The following DNASE1L1 variants were observed in gnomAD, a reference collection of about 807,000 sequenced individuals.
The protein encoded by DNASE1L1 is deoxyribonuclease 1 like 1, also known as deoxyribonuclease-1-like 1.
In DNASE1L1, 8 loss-of-function variants were observed where a neutral mutation model predicts 18.6. The observed-to-expected ratio is 0.43, with a 90% CI of 0.25 to 0.78. The LOEUF is 0.78. Ranked by LOEUF, DNASE1L1 falls within the 30% of genes least tolerant of loss-of-function variation. The pLI, the probability that DNASE1L1 is intolerant of heterozygous loss-of-function variation, is 0.23. For synonymous variants in DNASE1L1, 114 were observed against 114.2 expected, an observed-to-expected ratio of 1.00 and a Z score of 0.01; for missense variants, 214 against 258.2, an observed-to-expected ratio of 0.83 and a Z score of 1.17.
At chrX:154,408,547 C>T (rs1040484303) in intron 1 of DNASE1L1, 3 of 111,901 alleles carry the variant, frequency 2.7e-5, no homozygotes, top group African/African-American at 9.7e-5. Flanking sequence ...TTATCTTTGT[C>T]TCACACTCAC....
In DNASE1L1 at chrX:154,402,363, A is replaced by G; in HGVS notation, c.*344T>C. Reference sequence around the variant, plus strand: ...GCTGCACAAGTGTCCTATCTCACCAATCTGGGTTTTTGTTCTCAGTAACTT... The same window carrying G: ...GCTGCACAAGTGTCCTATCTCACCAGTCTGGGTTTTTGTTCTCAGTAACTT... On this transcript the variant is annotated 3_prime_UTR_variant, in exon 8 of 8. Coordinates refer to ENST00000369807, the MANE Select transcript of DNASE1L1 (RefSeq NM_001303620.2). 4.8e-6 allele frequency: 1 copy of G among 206,772 alleles called. No individual in the cohort carries two copies. The highest frequency in any genetic ancestry group is 8.8e-6 in the Non-Finnish European group (1 of 113,749). 17.0% of individuals were successfully genotyped at this position (206,772 alleles called of 1,213,427 possible).
At chrX:154,407,218 ATTTTTTTTTTTTTTTTTTTTTTTTTT>A (rs782115573) in intron 1 of DNASE1L1, among the ~76,000 whole-genome samples, 1 of 25,734 alleles carries the variant, frequency 3.9e-5, no homozygotes, top group Non-Finnish European at 7.7e-5. Flanking sequence ...AAGTGCTGGG[ATTTTTTTTTTTTTTTTTTTTTTTTTT>A]TTTTTTTTTT....
chrX:154,408,575 G>A (rs1420944443), intron 1 of DNASE1L1: 3 of 111,732 alleles, frequency 2.7e-5, no homozygotes, highest in Non-Finnish European at 3.8e-5. Context: ...TGCAGGGCTC[G>A]GCTCCTTGCT....
chrX:154,411,282 C>T (rs946034778), upstream of DNASE1L1, among the ~76,000 whole-genome samples: 3 of 111,519 alleles, frequency 2.7e-5, no homozygotes, highest in Non-Finnish European at 5.7e-5. Flanking sequence ...GCAGGAGAAT[C>T]GCTTGAGTCT....
At chrX:154,407,767 C>CTTTTTT in intron 1 of DNASE1L1, among the ~76,000 whole-genome samples, 1 of 71,545 alleles carries the variant, frequency 1.4e-5, no homozygotes, top group Non-Finnish European at 2.6e-5. Context: ...GGCCCCCCCC[C>CTTTTTT]TTTTTTTTTT....
upstream of DNASE1L1, chrX:154,411,763 G>C: frequency 1.1e-6 from 1 of 938,390 alleles, no homozygotes; most frequent in East Asian, 3.4e-5. Context: ...CCAGTGTCTC[G>C]AGCGGTCGAG....
rs1221583724 is a variant in DNASE1L1 at position 154,402,209 on chromosome X, C to T, written c.*498G>A. The T allele has an allele frequency of 8.9e-5, 11 of 124,271 alleles. No homozygotes were observed. The highest frequency in any genetic ancestry group is 1.6e-4 in the Admixed American group (2 of 12,306). The allele number at this position is 124,271 out of a possible 1,213,427, so 10.2% of individuals were successfully genotyped here. On this transcript the variant is annotated 3_prime_UTR_variant, in exon 8 of 8. Coordinates refer to ENST00000369807, the MANE Select transcript of DNASE1L1 (RefSeq NM_001303620.2). ...GATTATAATGAGCCAAAATGTTTCC[C>T]GGTGTTTGCTGGTTTCAGGGAAGGA... is the stretch of plus-strand genomic sequence containing the variant.
At chrX:154,411,661 G>A, upstream of DNASE1L1, 2 of 493,462 alleles carry the variant, frequency 4.1e-6, no homozygotes, top group East Asian at 4.0e-5. Flanking sequence ...GAGCGGGGCC[G>A]GGCGCTGCTC....
chrX:154,411,646 CGA>C (rs1569552619), upstream of DNASE1L1: 4 of 482,417 alleles, frequency 8.3e-6, no homozygotes, highest in South Asian at 1.0e-4. Flanking sequence ...TCCCCAGTGA[CGA>C]GAGAGCGGGG....
At position 154,405,489 on chromosome X, in the gene DNASE1L1, T is replaced by C; in HGVS notation, c.80A>G (p.Gln27Arg). The C allele has an allele frequency of 8.3e-7, 1 of 1,205,783 alleles. No homozygotes were observed. Among genetic ancestry groups the C allele is most frequent in the Non-Finnish European group, 1.1e-6 (1 of 890,977 alleles). Residue 27 changes from glutamine (Q) to arginine (R), a missense_variant, in exon 2 of 8, where the codon CAG becomes CGG. Transcript: ENST00000369807. ...QAFRICAFNA[Q>R]RLTLAKVARE... ...GGCCACCTTGGCCAGTGTCAGCCGC[T>C]GGGCATTGAAGGCGCAGATGCGAAA...
At chrX:154,407,587 C>CTTTTT (rs782217648) in intron 1 of DNASE1L1, among the ~76,000 whole-genome samples, 2 of 74,763 alleles carry the variant, frequency 2.7e-5, no homozygotes, top group Non-Finnish European at 4.9e-5. Context: ...CCTAGTCTAC[C>CTTTTT]TTTTTTTTTT....
chrX:154,407,672 T>C (rs2068184846), intron 1 of DNASE1L1, among the ~76,000 whole-genome samples: 1 of 89,186 alleles, frequency 1.1e-5, no homozygotes, highest in African/African-American at 4.2e-5. Context: ...CTTGGCTCAC[T>C]GCAACCTCTG....
At chrX:154,406,022 A>G (rs2068142902) in intron 1 of DNASE1L1, among the ~76,000 whole-genome samples, 1 of 102,015 alleles carries the variant, frequency 9.8e-6, no homozygotes, top group Non-Finnish European at 2.0e-5. Context: ...CCCAGGCTGG[A>G]GTGCAGTGGC....
At position 154,402,718 on chromosome X, in the gene DNASE1L1, G is replaced by A. The variant is rs369393190; in HGVS notation, c.898C>T (p.Pro300Ser). ...GGGTAGGGGGACGCTCAGGCAGCAG[G>A]GCACAGCTGAGGGGACAGGAGTGAT... ...LLSLLSPQLC[P>S]AA Residue 300 changes from proline to serine, a missense_variant, in exon 8 of 8, where the codon CCT becomes TCT. Coordinates refer to ENST00000369807, the MANE Select transcript of DNASE1L1 (RefSeq NM_001303620.2). The A allele has an allele frequency of 4.1e-6, 5 of 1,209,725 alleles. No homozygotes were observed. In the Middle Eastern group the frequency reaches 7.2e-4, roughly 174 times the overall value.
intron 1 of DNASE1L1, among the ~76,000 whole-genome samples, chrX:154,408,111 T>A (rs1213567786): frequency 9.1e-6 from 1 of 109,612 alleles, no homozygotes; most frequent in Admixed American, 9.8e-5. Flanking sequence ...TTTTGTACTT[T>A]TAGTAGAGAC....
rs782165177 is a variant in DNASE1L1 at position 154,401,791 on chromosome X, A to C, written c.*916T>G. Reference sequence around the variant, plus strand: ...TTAATTACCTTTATTTTATTTTGCCAAACATACCTGGGAATACCTTTTATT... The same window carrying C: ...TTAATTACCTTTATTTTATTTTGCCCAACATACCTGGGAATACCTTTTATT... On this transcript the variant is annotated 3_prime_UTR_variant, in exon 8 of 8. Coordinates refer to ENST00000369807, the MANE Select transcript of DNASE1L1 (RefSeq NM_001303620.2). The C allele has an allele frequency of 2.7e-5, 3 of 109,651 alleles. No individual in the cohort carries two copies. The highest frequency in any genetic ancestry group is 5.6e-5 in the Non-Finnish European group (3 of 53,150). The allele number at this position is 109,651 out of a possible 1,213,427, so 9.0% of individuals were successfully genotyped here. A position where few individuals can be genotyped will look rare whatever the true frequency, so the allele number is the denominator to read the frequency against.
intron 1 of DNASE1L1, among the ~76,000 whole-genome samples, chrX:154,407,767 C>CTTT (rs1232966344): frequency 1.3e-4 from 9 of 71,553 alleles, no homozygotes; most frequent in East Asian, 5.5e-4. Context: ...GGCCCCCCCC[C>CTTT]TTTTTTTTTT....
In DNASE1L1 at chrX:154,405,436, G is replaced by C. The variant is rs782142885; in HGVS notation, c.133C>G (p.Arg45Gly). Residue 45 changes from arginine (R) to glycine (G), a missense_variant and splice_region_variant, in exon 2 of 8, where the codon CGG becomes GGG. By Grantham distance (125) the Arg-to-Gly change is moderately radical (BLOSUM62 -2). Transcript: ENST00000369807. ...CTTCCCTGAAGTGATGAACTTACCC[G>C]AACTAAGGTGTCCATCACCTGCTCC... Reference protein sequence around the residue: ...AREQVMDTLVRILARCDIMVL... With the variant: ...AREQVMDTLVGILARCDIMVL... The C allele has an allele frequency of 2.7e-5, 32 of 1,187,191 alleles. No individual in the cohort carries two copies. Among genetic ancestry groups the C allele is most frequent in the Non-Finnish European group, 3.5e-5 (31 of 879,378 alleles).
chrX:154,407,587 C>A (rs2068181992), intron 1 of DNASE1L1, among the ~76,000 whole-genome samples: 1 of 74,760 alleles, frequency 1.3e-5, no homozygotes, highest in Admixed American at 1.5e-4. Flanking sequence ...CCTAGTCTAC[C>A]TTTTTTTTTT....
Sources: allele counts gnomAD v4.1 joint callset (sites outside exome capture counted in the v4.1 genomes callset), GRCh38; gene constraint gnomAD v4.1.1; transcripts MANE v1.5; gene names NCBI Gene and HGNC (gene_info 2026-07-23, HGNC 2026-07-21).